The following ZDHHC17 variants were observed in gnomAD, a reference collection of about 807,000 sequenced individuals.
ZDHHC17 encodes zDHHC palmitoyltransferase 17, also known as palmitoyltransferase ZDHHC17.
Under a neutral mutation model 90.3 loss-of-function variants are expected in ZDHHC17, and 40 were observed. That is an observed-to-expected ratio of 0.44 (90% CI 0.34 to 0.58). The LOEUF (loss-of-function observed/expected upper bound fraction) is 0.58. ZDHHC17 is among the 20% of genes least tolerant of loss of function. The pLI, the probability that ZDHHC17 is intolerant of heterozygous loss-of-function variation, is 0.01. For missense variants in ZDHHC17, 614 were observed against 780.8 expected, an observed-to-expected ratio of 0.79 and a Z score of 2.55; for synonymous variants, 235 against 252.4, an observed-to-expected ratio of 0.93 and a Z score of 0.65.
At chr12:76,822,619 AT>A in intron 8 of ZDHHC17, 88 bp downstream of exon 8, 1 of 1,079,102 alleles carries the variant, frequency 9.3e-7, no homozygotes, top group Non-Finnish European at 1.3e-6. Flanking sequence ...CAGTGGCGAG[AT>A]TTTGGCTCAC....
intron 3 of ZDHHC17, 78 bp from the exon 4 acceptor site, chr12:76,808,965 G>A (rs1952988191): frequency 1.2e-6 from 1 of 853,092 alleles, no homozygotes; most frequent in Non-Finnish European, 1.7e-6. Context: ...TAGAAAACAT[G>A]TATTTACATA....
In ZDHHC17 at chr12:76,797,544, T is replaced by C. The variant is rs2137745933; in HGVS notation, c.197+7T>C. On this transcript the variant is annotated splice_region_variant and intron_variant, in intron 2 of 16. Transcript: ENST00000426126. ...ACATAGTCAAGGCTACACAGTAAGG[T>C]TTTTGTTGTAGTTGTTTTCTTTGGC... 1 of 1,572,428 alleles carries C rather than the reference T, an allele frequency of 6.4e-7. No individual in the cohort carries two copies. The highest frequency in any genetic ancestry group is 1.2e-5 in the South Asian group (1 of 82,562).
At chr12:76,800,885 CTTTTTTTTT>C (rs71085458) in intron 2 of ZDHHC17, among the ~76,000 whole-genome samples, 6 of 108,088 alleles carry the variant, frequency 5.6e-5, no homozygotes, top group Non-Finnish European at 9.1e-5. Flanking sequence ...TTTGCCATTT[CTTTTTTTTT>C]TTTTTTTTTT....
chr12:76,816,963 T>A (rs1007893843), intron 7 of ZDHHC17, among the ~76,000 whole-genome samples: 1 of 151,988 alleles, frequency 6.6e-6, no homozygotes, highest in Non-Finnish European at 1.5e-5. Flanking sequence ...ACAAAAGTGA[T>A]CAGAATAGTT....
chr12:76,787,117 C>T (rs921735959), intron 1 of ZDHHC17, among the ~76,000 whole-genome samples: 4 of 152,190 alleles, frequency 2.6e-5, no homozygotes, highest in African/African-American at 7.2e-5. Context: ...TTTCCAGAGT[C>T]GTTTTATGTC....
At position 76,851,211 on chromosome 12, in the gene ZDHHC17, A is replaced by G. The variant is rs1038004397; in HGVS notation, c.*226A>G. On this transcript the variant is annotated 3_prime_UTR_variant, in exon 17 of 17. Transcript: ENST00000426126. ...GTAAAGATGATAAAAAATAATTTTA[A>G]TGGTTCTTAATGTGGAAATTCACAA... The G allele has an allele frequency of 6.3e-6, 3 of 473,768 alleles. No homozygotes were observed. The highest frequency in any genetic ancestry group is 1.1e-5 in the Non-Finnish European group (3 of 277,396). 29.3% of individuals were successfully genotyped at this position (473,768 alleles called of 1,614,324 possible).
chr12:76,840,463 C>T (rs1953422145), intron 10 of ZDHHC17: 1 of 152,032 alleles, frequency 6.6e-6, no homozygotes, highest in African/African-American at 2.4e-5. Context: ...GCCTCAGCCC[C>T]CTCAGTAGCT....
chr12:76,811,837 C>T (rs1263619839), intron 5 of ZDHHC17, among the ~76,000 whole-genome samples: 5 of 151,994 alleles, frequency 3.3e-5, no homozygotes, highest in Admixed American at 6.6e-5. Context: ...CGGAATGCTG[C>T]GAAATCCAAA....
At chr12:76,797,787 A>G (rs1285332006) in intron 2 of ZDHHC17, among the ~76,000 whole-genome samples, 1 of 152,080 alleles carries the variant, frequency 6.6e-6, no homozygotes, top group Admixed American at 6.5e-5. Context: ...TACTAAAAAT[A>G]CAAAAAATTA....
At chr12:76,826,801 T>A (rs1953235753) in intron 8 of ZDHHC17, 107 bp from the exon 9 acceptor site, 7 of 1,164,946 alleles carry the variant, frequency 6.0e-6, no homozygotes, top group Non-Finnish European at 1.2e-6. Context: ...CAAATTTGAG[T>A]GAATGAATTT....
intron 5 of ZDHHC17, among the ~76,000 whole-genome samples, chr12:76,812,071 A>G (rs181860791): frequency 6.6e-6 from 1 of 152,290 alleles, no homozygotes; most frequent in East Asian, 1.9e-4. Flanking sequence ...CATATATGCA[A>G]ATATTTCAAC....
chr12:76,832,187 T>C (rs868133829), intron 10 of ZDHHC17, among the ~76,000 whole-genome samples: 3 of 152,190 alleles, frequency 2.0e-5, no homozygotes, highest in Non-Finnish European at 2.9e-5. Context: ...TAGGTTATAA[T>C]GGAGGCACAA....
At chr12:76,773,608 T>G (rs757992728) in intron 1 of ZDHHC17, among the ~76,000 whole-genome samples, 4 of 152,234 alleles carry the variant, frequency 2.6e-5, no homozygotes, top group Non-Finnish European at 5.9e-5. Flanking sequence ...TTACTCAGGT[T>G]CACATCATTA....
At chr12:76,773,359 C>T (rs1438387242) in intron 1 of ZDHHC17, among the ~76,000 whole-genome samples, 2 of 152,066 alleles carry the variant, frequency 1.3e-5, no homozygotes, top group African/African-American at 2.4e-5. Flanking sequence ...TTTGGATTGG[C>T]TTCTTTGACT....
At chr12:76,777,242 ATTAT>A (rs1952569527) in intron 1 of ZDHHC17, among the ~76,000 whole-genome samples, 1 of 152,094 alleles carries the variant, frequency 6.6e-6, no homozygotes, top group African/African-American at 2.4e-5. Flanking sequence ...CTCCATTTCT[ATTAT>A]TTTGTAATTT....
rs1471845786 is a variant in ZDHHC17 at position 76,776,097 on chromosome 12, A to C, written c.93+11768A>C. ...TGAATAATTGATGTAATCAAGTCCC[A>C]AAAAAGGGTACAGGTGGAAAAAAAA... On this transcript the variant is annotated intron_variant, in intron 1 of 16. Coordinates refer to ENST00000426126, the MANE Select transcript of ZDHHC17 (RefSeq NM_015336.4). Among the ~76,000 whole-genome samples the C allele has an allele frequency of 2.0e-5, 3 of 151,932 alleles. No homozygotes were observed. In the East Asian group the frequency reaches 5.8e-4, roughly 29 times the overall value.
intron 1 of ZDHHC17, among the ~76,000 whole-genome samples, chr12:76,787,607 T>C (rs1380315581): frequency 7.5e-6 from 1 of 133,770 alleles, no homozygotes; most frequent in Non-Finnish European, 1.6e-5. Flanking sequence ...AAACACACAC[T>C]CTGTCTCTCC....
chr12:76,838,633 C>A (rs557377048), intron 10 of ZDHHC17, among the ~76,000 whole-genome samples: 1 of 152,240 alleles, frequency 6.6e-6, no homozygotes, highest in South Asian at 2.1e-4. Context: ...TTCTACGCAG[C>A]CTTAGAGATA....
rs966305789 is a variant in ZDHHC17 at position 76,851,542 on chromosome 12, T to C, written c.*557T>C. ...CTTCAAAGGCAGGAGAAAATAATGT[T>C]CACAATAAAATGTGCTAACAATGTT... On this transcript the variant is annotated 3_prime_UTR_variant, in exon 17 of 17. Transcript: ENST00000426126. The C allele has an allele frequency of 6.5e-6, 1 of 152,914 alleles. No homozygotes were observed. Among genetic ancestry groups the C allele is most frequent in the East Asian group, 1.9e-4 (1 of 5,200 alleles). 9.5% of individuals were successfully genotyped at this position (152,914 alleles called of 1,614,324 possible).
Sources: allele counts gnomAD v4.1 joint callset (sites outside exome capture counted in the v4.1 genomes callset), GRCh38; gene constraint gnomAD v4.1.1; transcripts MANE v1.5; gene names NCBI Gene and HGNC (gene_info 2026-07-23, HGNC 2026-07-21).